The following ADCY1 variants were observed in gnomAD, a reference collection of about 807,000 sequenced individuals.
The protein encoded by ADCY1 is adenylate cyclase 1, also known as adenylate cyclase type 1.
In ADCY1, 28 loss-of-function variants were observed where a neutral mutation model predicts 105.4. The observed-to-expected ratio is 0.27, with a 90% CI of 0.20 to 0.36. ADCY1 has a LOEUF of 0.36. ADCY1 is among the 10% of genes least tolerant of loss of function. The pLI is 1.00. For missense variants in ADCY1, 977 were observed against 1,434.2 expected (o/e 0.68, Z 5.15); for synonymous variants, 655 against 623.8 (o/e 1.05, Z -0.75).
rs953009200 is a variant in ADCY1 at position 45,710,176 on chromosome 7, C to A, written c.2933-352C>A. On this transcript the variant is annotated intron_variant, in intron 18 of 19. Coordinates refer to ENST00000297323, the MANE Select transcript of ADCY1 (RefSeq NM_021116.4). This position sits in a 1 kb window ranked among gnomAD's most constrained non-coding sequence, Gnocchi z 4.7. ...TAATCACAGATATTGAAAGGCCACA[C>A]TTCTGAGTGGCTCCCCTGGTAGGGC... Among the ~76,000 whole-genome samples the A allele has an allele frequency of 6.6e-6, 1 of 152,228 alleles. No homozygotes were observed. Among genetic ancestry groups the A allele is most frequent in the Non-Finnish European group, 1.5e-5 (1 of 68,036 alleles).
chr7:45,676,655 C>T (rs1283813320), intron 8 of ADCY1, among the ~76,000 whole-genome samples: 1 of 152,058 alleles, frequency 6.6e-6, no homozygotes, highest in Admixed American at 6.5e-5. Flanking sequence ...GTTCAGCATC[C>T]ACTGACAATG....
intron 10 of ADCY1, among the ~76,000 whole-genome samples, chr7:45,678,889 A>AAATAAT (rs10690012): frequency 3.6e-4 from 54 of 149,822 alleles, no homozygotes; most frequent in East Asian, 2.6e-3. Context: ...TTGTCTCTAA[A>AAATAAT]AATAATAATA....
Position 45,677,998 on chromosome 7 carries a change from G to T in ADCY1, c.1735G>T (p.Glu579Ter). The change falls in exon 9 of 20, where the codon GAG (glutamate) becomes TAG (stop). Residue 579 changes from glutamate to a stop codon, truncating the protein, a stop_gained. Coordinates refer to ENST00000297323, the MANE Select transcript of ADCY1 (RefSeq NM_021116.4). LOFTEE classifies it high-confidence loss of function. ...ISRLLEARQT[E>*]LEMADLNFFT... ...CCGCCTCTTAGAAGCCCGCCAGACA[G>T]AGCTGGAGATGGCAGACCTGAACTT... 6.2e-7 allele frequency: 1 copy of T among 1,614,226 alleles called. No individual in the cohort carries two copies. Among genetic ancestry groups the T allele is most frequent in the Non-Finnish European group, 8.5e-7 (1 of 1,180,042 alleles).
At position 45,710,457 on chromosome 7, in the gene ADCY1, A is replaced by G; in HGVS notation, c.2933-71A>G. 6.4e-7 allele frequency: 1 copy of G among 1,569,170 alleles called. No homozygotes were observed. Among genetic ancestry groups the G allele is most frequent in the Non-Finnish European group, 8.7e-7 (1 of 1,155,610 alleles). ...CTCCACCAGGAGCAGCATCAGGTGC[A>G]TTTGGTGGCCCTGGTGGGGTGAGTT... On this transcript the variant is annotated intron_variant, in intron 18 of 19. Coordinates refer to ENST00000297323, the MANE Select transcript of ADCY1 (RefSeq NM_021116.4). This position sits in a 1 kb window ranked among gnomAD's most constrained non-coding sequence, Gnocchi z 4.7.
At chr7:45,627,301 A>G (rs1233037555) in intron 4 of ADCY1, among the ~76,000 whole-genome samples, 3 of 152,160 alleles carry the variant, frequency 2.0e-5, no homozygotes, top group Admixed American at 2.0e-4. Flanking sequence ...TGAAAGCCCC[A>G]AAGGCCATCT....
At position 45,574,777 on chromosome 7, in the gene ADCY1, C is replaced by G. The variant is rs74641956; in HGVS notation, c.234C>G (p.Ala78=). 0.015 allele frequency: 21,983 copies of G among 1,493,600 alleles called. 230 individuals carry two copies. The highest frequency in any genetic ancestry group is 0.038 in the Middle Eastern group (159 of 4,216). The allele number at this position is 1,493,600 out of a possible 1,614,324, so 92.5% of individuals were successfully genotyped here. Reference sequence around the variant, plus strand: ...TGCTGGCGGGCGCGCTGGCGCTGGCCGAGCTGCTGGGCGCGCCGGGGCCCG... The same window carrying G: ...TGCTGGCGGGCGCGCTGGCGCTGGCGGAGCTGCTGGGCGCGCCGGGGCCCG... ...LSLLAGALAL[A]ELLGAPGPAP... Residue 78 remains alanine (A), a synonymous_variant, in exon 1 of 20, where the codon GCC becomes GCG. Transcript: ENST00000297323. This position sits in a 1 kb window ranked among gnomAD's most constrained non-coding sequence, Gnocchi z 7.0.
chr7:45,713,904 G>T lies in ADCY1; in HGVS notation c.3269G>T (p.Cys1090Phe), dbSNP rs1785314219. ...CTTCAGGGCAGACGTCCCCCCGTGTGCCCCATGCCTGGCGTCTCAGTCAGG... is the reference window on the plus strand; with the variant it reads ...CTTCAGGGCAGACGTCCCCCCGTGTTCCCCATGCCTGGCGTCTCAGTCAGG... ...AGLQGRRPPVCPMPGVSVRAG... is the reference protein window; with the variant it reads ...AGLQGRRPPVFPMPGVSVRAG... The change falls in exon 20 of 20, where the codon TGC becomes TTC. Residue 1090 changes from cysteine to phenylalanine, a missense_variant. By Grantham distance (205) the Cys-to-Phe change is radical. Around this residue, in one of 7 missense-constraint regions of ADCY1, gnomAD observed 78 missense variants for 60.0 expected, o/e 1.30. Transcript: ENST00000297323. The T allele has an allele frequency of 1.3e-6, 1 of 780,516 alleles. No individual in the cohort carries two copies. The highest frequency in any genetic ancestry group is 1.7e-5 in the African/African-American group (1 of 59,158). 48.3% of individuals were successfully genotyped at this position (780,516 alleles called of 1,614,324 possible). A position where few individuals can be genotyped will look rare whatever the true frequency, so the allele number is the denominator to read the frequency against.
intron 6 of ADCY1, among the ~76,000 whole-genome samples, chr7:45,658,942 GGGACT>G (rs1454856814): frequency 6.6e-6 from 1 of 152,228 alleles, no homozygotes; most frequent in Non-Finnish European, 1.5e-5. Context: ...CATCCCAGCA[GGGACT>G]GGGCCCGGGG....
rs1270005725 is a variant in ADCY1, at chr7:45,717,364, A to T, written c.*3369A>T. On this transcript the variant is annotated 3_prime_UTR_variant, in exon 20 of 20. Coordinates refer to ENST00000297323, the MANE Select transcript of ADCY1 (RefSeq NM_021116.4). ...GGGAGTTCAGGAACTGTGTTTAGCCATAATGTCCCTTGGGGTTTGGTGAAA... is the reference window on the plus strand; with the variant it reads ...GGGAGTTCAGGAACTGTGTTTAGCCTTAATGTCCCTTGGGGTTTGGTGAAA... 1 of 152,610 alleles carries T rather than the reference A, an allele frequency of 6.6e-6. No individual in the cohort carries two copies. The highest frequency in any genetic ancestry group is 1.9e-4 in the East Asian group (1 of 5,204). The allele number at this position is 152,610 out of a possible 1,614,324, so 9.5% of individuals were successfully genotyped here. A position where few individuals can be genotyped will look rare whatever the true frequency, so the allele number is the denominator to read the frequency against.
chr7:45,669,859 C>T (rs781384581), intron 8 of ADCY1, among the ~76,000 whole-genome samples: 3 of 152,128 alleles, frequency 2.0e-5, no homozygotes, highest in Non-Finnish European at 4.4e-5. Flanking sequence ...GTATGTTTTT[C>T]AAATGGTGAT....
rs888965748 is a variant in ADCY1, at chr7:45,692,950, G to A, written c.2454+6277G>A. On this transcript the variant is annotated intron_variant, in intron 14 of 19. Transcript: ENST00000297323. ...AAAAGGGTCTTTCAGTAATGTTAGCGGGTAATAAAGGGGTCAGTTTATCAA... is the reference window on the plus strand; with the variant it reads ...AAAAGGGTCTTTCAGTAATGTTAGCAGGTAATAAAGGGGTCAGTTTATCAA... Among the ~76,000 whole-genome samples, 5 of 152,156 alleles carry A rather than the reference G, an allele frequency of 3.3e-5. No individual in the cohort carries two copies. In the East Asian group the frequency reaches 5.8e-4, roughly 18 times the overall value.
intron 3 of ADCY1, among the ~76,000 whole-genome samples, chr7:45,618,256 C>T (rs1343663367): frequency 6.6e-6 from 1 of 152,100 alleles, no homozygotes; most frequent in East Asian, 1.9e-4. Context: ...AAATGTAAGA[C>T]CCAGACTATG....
intron 14 of ADCY1, among the ~76,000 whole-genome samples, chr7:45,700,745 G>A (rs1208775087): frequency 6.6e-6 from 1 of 152,224 alleles, no homozygotes; most frequent in Non-Finnish European, 1.5e-5. Flanking sequence ...GACAGAATGA[G>A]GACAGGACCA....
At chr7:45,659,087 G>T (rs1339803190) in intron 6 of ADCY1, among the ~76,000 whole-genome samples, 2 of 152,164 alleles carry the variant, frequency 1.3e-5, no homozygotes, top group African/African-American at 4.8e-5. Flanking sequence ...TTCCTGGCCT[G>T]GCAGTCCCTC....
At position 45,654,121 on chromosome 7, in the gene ADCY1, A is replaced by G. The variant is rs144239613; in HGVS notation, c.1149-3606A>G. Among the ~76,000 whole-genome samples the G allele has an allele frequency of 9.8e-4, 150 of 152,358 alleles. 1 individual carries two copies. The East Asian group carries it at 0.025, about 25-fold the overall frequency. ...TAGCAGCCGCTGCAAGTATTGATTC[A>G]TCAGCTCCCAGAAAGAGGGAGCCGG... On this transcript the variant is annotated intron_variant, in intron 5 of 19. Transcript: ENST00000297323.
chr7:45,584,285 G>A (rs775512119), intron 1 of ADCY1, among the ~76,000 whole-genome samples: 37 of 152,234 alleles, frequency 2.4e-4, no homozygotes, highest in Admixed American at 7.2e-4. Context: ...CCTGATTGCC[G>A]TCCTGCTGCG....
At chr7:45,600,654 G>A (rs535727454) in intron 2 of ADCY1, among the ~76,000 whole-genome samples, 122 of 152,386 alleles carry the variant, frequency 8.0e-4, no homozygotes, top group African/African-American at 2.6e-3. Flanking sequence ...AGACTGGGTG[G>A]CTGCAACAAG....
intron 4 of ADCY1, among the ~76,000 whole-genome samples, chr7:45,648,250 A>G (rs968769246): frequency 4.6e-5 from 7 of 152,216 alleles, no homozygotes; most frequent in East Asian, 1.9e-4. Flanking sequence ...GCTGGGGGGA[A>G]TCTAGCACAT....
intron 1 of ADCY1, among the ~76,000 whole-genome samples, chr7:45,576,660 A>G (rs1466826449): frequency 6.6e-6 from 1 of 152,082 alleles, no homozygotes; most frequent in Non-Finnish European, 1.5e-5. Context: ...TTGCCTTATC[A>G]GTCTCAGGGG....
Sources: allele counts gnomAD v4.1 joint callset (sites outside exome capture counted in the v4.1 genomes callset), GRCh38; gene constraint gnomAD v4.1.1; regional missense constraint gnomAD v4.1.1; non-coding constraint Gnocchi (gnomAD v3.1); transcripts MANE v1.5; gene names NCBI Gene and HGNC (gene_info 2026-07-23, HGNC 2026-07-21).